NLGN1: variants seen among roughly 807,000 people sequenced by gnomAD.
The protein encoded by NLGN1 is neuroligin-1.
NLGN1 carries 12 observed loss-of-function variants against 65.5 expected under a neutral mutation model. The observed-to-expected ratio is 0.18, with a 90% CI of 0.12 to 0.30. NLGN1 has a LOEUF of 0.30. NLGN1 is among the 10% of genes least tolerant of loss of function. The probability of loss-of-function intolerance (pLI) is 1.00; values close to 1 mark genes in which losing one functional copy is unlikely to be tolerated. For synonymous variants in NLGN1, 350 were observed against 359.5 expected, an observed-to-expected ratio of 0.97 and a Z score of 0.30; for missense variants, 750 against 1,007.1, an observed-to-expected ratio of 0.74 and a Z score of 3.46.
intron 3 of NLGN1, among the ~76,000 whole-genome samples, chr3:173,729,322 A>C (rs1296447239): frequency 5.3e-5 from 8 of 152,074 alleles, no homozygotes; most frequent in Admixed American, 5.2e-4. Flanking sequence ...AGGATTCCTA[A>C]CCCAGATAAT....
intron 1 of NLGN1, among the ~76,000 whole-genome samples, chr3:173,425,044 C>G (rs114044600): frequency 0.012 from 1,872 of 152,200 alleles, 55 homozygotes; most frequent in African/African-American, 0.043. Flanking sequence ...AGGAAACTTA[C>G]AATTGTGGTG....
chr3:173,500,752 AC>A (rs1730958996), intron 2 of NLGN1, among the ~76,000 whole-genome samples: 1 of 151,874 alleles, frequency 6.6e-6, no homozygotes, highest in Non-Finnish European at 1.5e-5. Flanking sequence ...TCTATTAAAT[AC>A]CTTATTTTCA....
intron 2 of NLGN1, among the ~76,000 whole-genome samples, chr3:173,599,033 A>C (rs1223595238): frequency 6.6e-6 from 1 of 152,138 alleles, no homozygotes; most frequent in Non-Finnish European, 1.5e-5. Context: ...TTCTGTGACC[A>C]ACAGTGTTTG....
At chr3:173,460,625 C>T (rs1401834578) in intron 2 of NLGN1, among the ~76,000 whole-genome samples, 1 of 152,114 alleles carries the variant, frequency 6.6e-6, no homozygotes, top group African/African-American at 2.4e-5. Context: ...GAAGCTGCAA[C>T]TAATTGTTTG....
At chr3:173,777,615 GTCTGTCTGTCTGTCTGTCTATCTATCTA>G (rs1260738063) in intron 3 of NLGN1, among the ~76,000 whole-genome samples, 6 of 118,960 alleles carry the variant, frequency 5.0e-5, no homozygotes, top group Admixed American at 7.6e-5. Flanking sequence ...TATTCTGTCT[GTCTGTCTGTCTGTCTGTCTATCTATCTA>G]TCTATCTATC....
intron 3 of NLGN1, among the ~76,000 whole-genome samples, chr3:173,656,303 A>T (rs1424675273): frequency 6.6e-6 from 1 of 152,104 alleles, no homozygotes; most frequent in East Asian, 1.9e-4. Flanking sequence ...GCACTGATTA[A>T]AAGTATTCTA....
At chr3:173,776,946 A>C (rs1780387859) in intron 3 of NLGN1, among the ~76,000 whole-genome samples, 1 of 151,998 alleles carries the variant, frequency 6.6e-6, no homozygotes, top group Non-Finnish European at 1.5e-5. Context: ...TAACCATACA[A>C]GACAACGATC....
intron 3 of NLGN1, among the ~76,000 whole-genome samples, chr3:173,776,163 C>G (rs575885896): frequency 2.6e-5 from 4 of 152,064 alleles, no homozygotes; most frequent in Admixed American, 6.6e-5. Flanking sequence ...GGGTGCAATT[C>G]TAAATAAGTC....
chr3:173,730,814 T>A (rs965145073), intron 3 of NLGN1, among the ~76,000 whole-genome samples: 3 of 152,110 alleles, frequency 2.0e-5, no homozygotes, highest in Admixed American at 2.0e-4. Context: ...GAACAAAATG[T>A]TTAAAGCTTA....
intron 4 of NLGN1, among the ~76,000 whole-genome samples, chr3:173,989,979 G>T (rs1466871755): frequency 6.6e-6 from 1 of 152,174 alleles, no homozygotes; most frequent in African/African-American, 2.4e-5. Context: ...ACAGATAGAA[G>T]AATAAGGTTG....
intron 3 of NLGN1, among the ~76,000 whole-genome samples, chr3:173,797,264 C>G (rs1714302483): frequency 6.6e-6 from 1 of 152,086 alleles, no homozygotes; most frequent in African/African-American, 2.4e-5. Flanking sequence ...GTTCTTTCTT[C>G]TTATAATCAG....
intron 2 of NLGN1, among the ~76,000 whole-genome samples, chr3:173,478,414 G>T (rs1345460214): frequency 6.6e-6 from 1 of 152,150 alleles, no homozygotes; most frequent in Non-Finnish European, 1.5e-5. Flanking sequence ...AGTGGGGAGG[G>T]AGAGCATCAG....
chr3:174,144,046 C>T (rs1161410122), intron 4 of NLGN1, among the ~76,000 whole-genome samples: 5 of 152,122 alleles, frequency 3.3e-5, no homozygotes, highest in African/African-American at 1.2e-4. Context: ...AAGTATTTCT[C>T]CTAATGCTAT....
intron 4 of NLGN1, among the ~76,000 whole-genome samples, chr3:173,832,526 T>C (rs1416123993): frequency 6.6e-6 from 1 of 152,224 alleles, no homozygotes; most frequent in Admixed American, 6.5e-5. Context: ...GAAAAGTTTA[T>C]GTAAACATTA....
At chr3:173,913,444 A>T (rs1460156102) in intron 4 of NLGN1, among the ~76,000 whole-genome samples, 1 of 152,134 alleles carries the variant, frequency 6.6e-6, no homozygotes. Context: ...GAGCCAAAGG[A>T]TTTTCTAGCT....
At chr3:173,766,336 A>T (rs941450718) in intron 3 of NLGN1, among the ~76,000 whole-genome samples, 1 of 151,976 alleles carries the variant, frequency 6.6e-6, no homozygotes, top group African/African-American at 2.4e-5. Context: ...TGATCTGCCC[A>T]CCTACGCCTC....
At chr3:173,738,316 G>A (rs6782495) in intron 3 of NLGN1, among the ~76,000 whole-genome samples, 1 of 151,790 alleles carries the variant, frequency 6.6e-6, no homozygotes, top group African/African-American at 2.4e-5. Context: ...TTAAAAATGC[G>A]TTGTCTAGAC....
intron 4 of NLGN1, among the ~76,000 whole-genome samples, chr3:173,890,705 C>T (rs932397145): frequency 1.3e-5 from 2 of 152,092 alleles, no homozygotes; most frequent in Admixed American, 6.6e-5. Flanking sequence ...TTCAACCTGA[C>T]GAAAAGGTTT....
chr3:174,043,942 GTATTTTCATACA>G (rs1732941612), intron 4 of NLGN1, among the ~76,000 whole-genome samples: 3 of 152,186 alleles, frequency 2.0e-5, no homozygotes, highest in Admixed American at 2.0e-4. Flanking sequence ...AGACATCCAA[GTATTTTCATACA>G]TCCTGTGAAA....
Sources: gnomAD v4.1 joint callset for allele counts (sites outside exome capture counted in the v4.1 genomes callset) on GRCh38, gnomAD v4.1.1 for gene constraint, MANE v1.5 for transcripts, NCBI Gene and HGNC (gene_info 2026-07-23, HGNC 2026-07-21) for gene names.